The following TMEM41B variants were observed in gnomAD, a reference collection of about 807,000 sequenced individuals.
The protein encoded by TMEM41B is transmembrane protein 41B, also known as protein stasimon.
Under a neutral mutation model 31.9 loss-of-function variants are expected in TMEM41B, and 18 were observed. The ratio of observed to expected loss-of-function variants is 0.56; its 90% CI spans 0.39 to 0.84. The LOEUF (loss-of-function observed/expected upper bound fraction) is 0.84, where lower values mean the gene tolerates loss of function less well. TMEM41B is among the 40% of genes least tolerant of loss of function. The pLI, the probability that TMEM41B is intolerant of heterozygous loss-of-function variation, is 0.00. For synonymous variants in TMEM41B, 144 were observed against 124.3 expected (o/e 1.16, Z -1.05); for missense variants, 322 against 348.0 (o/e 0.93, Z 0.59).
chr11:9,289,440 T>G (rs1852906325), intron 3 of TMEM41B, among the ~76,000 whole-genome samples: 1 of 152,090 alleles, frequency 6.6e-6, no homozygotes, highest in Non-Finnish European at 1.5e-5. Flanking sequence ...CTATCCTCAC[T>G]CATTAACTAT....
intron 1 of TMEM41B, among the ~76,000 whole-genome samples, chr11:9,307,258 G>GA (rs796125555): frequency 2.6e-5 from 4 of 151,232 alleles, no homozygotes; most frequent in Admixed American, 1.3e-4. Flanking sequence ...ACGAACGAAG[G>GA]AAAAAAAATC....
At chr11:9,306,167 C>A (rs549462410) in intron 1 of TMEM41B, among the ~76,000 whole-genome samples, 3 of 151,288 alleles carry the variant, frequency 2.0e-5, no homozygotes, top group Non-Finnish European at 3.0e-5. Context: ...TTAGTAGAGA[C>A]GGGGTTTCAC....
intron 1 of TMEM41B, among the ~76,000 whole-genome samples, chr11:9,304,270 C>G (rs763579104): frequency 2.6e-4 from 39 of 152,040 alleles, no homozygotes; most frequent in Non-Finnish European, 4.6e-4. Flanking sequence ...TAACAAATAC[C>G]TAACTGTCAT....
At position 9,311,529 on chromosome 11, in the gene TMEM41B, A is replaced by G. The variant is rs796288487; in HGVS notation, c.121+2792T>C. ...AGGATGAGGGGGCCAACCTGGGGGG[A>G]AAGCTGAATTGCCTTGCGGAGCTCC... On this transcript the variant is annotated intron_variant, in intron 1 of 6. Coordinates refer to ENST00000528080, the MANE Select transcript of TMEM41B (RefSeq NM_015012.4). 9.3e-5 allele frequency: 124 copies of G among 1,340,440 alleles called. No homozygotes were observed. The African/African-American group carries it at 1.6e-3, about 18-fold the overall frequency. 83.0% of individuals were successfully genotyped at this position (1,340,440 alleles called of 1,614,324 possible).
intron 1 of TMEM41B, among the ~76,000 whole-genome samples, chr11:9,301,949 A>C (rs1853271392): frequency 6.6e-6 from 1 of 151,308 alleles, no homozygotes; most frequent in African/African-American, 2.4e-5. Context: ...CCCAATGCCT[A>C]GCTCTATTTC....
At chr11:9,301,539 T>C (rs1445719133) in intron 1 of TMEM41B, among the ~76,000 whole-genome samples, 1 of 152,162 alleles carries the variant, frequency 6.6e-6, no homozygotes, top group African/African-American at 2.4e-5. Flanking sequence ...CAAATGTGTA[T>C]TAGACAGCTG....
intron 1 of TMEM41B, among the ~76,000 whole-genome samples, chr11:9,307,312 AAGG>A (rs1853421912): frequency 6.6e-6 from 1 of 152,214 alleles, no homozygotes; most frequent in Non-Finnish European, 1.5e-5. Context: ...CAAGTCTCTT[AAGG>A]TCACAAGAAT....
rs56313114 is a variant in TMEM41B at position 9,282,940 on chromosome 11, G to GAAAAAAAAAAAA, written c.*472_*483dup. 2.2e-5 allele frequency: 2 copies of GAAAAAAAAAAAA among 92,604 alleles called. No homozygotes were observed. The highest frequency in any genetic ancestry group is 3.9e-5 in the African/African-American group (1 of 25,766). The allele number at this position is 92,604 out of a possible 1,614,324, so 5.7% of individuals were successfully genotyped here. The stretch of plus-strand genomic sequence containing the variant: ...CAGAGCTAGACTCCGTCTCAAAACA[G>GAAAAAAAAAAAA]AAAAAAAAAAAAAAAAAAAAAGAGG... On this transcript the variant is annotated 3_prime_UTR_variant, in exon 7 of 7. Transcript: ENST00000528080.
At chr11:9,299,325 T>TACACACACACACACACACACACACAC (rs139794462) in intron 2 of TMEM41B, among the ~76,000 whole-genome samples, 4,265 of 122,946 alleles carry the variant, frequency 0.035, 150 homozygotes, top group South Asian at 0.092. Flanking sequence ...TATACATACA[T>TACACACACACACACACACACACACAC]ACACACACAC....
chr11:9,311,788 C>G, intron 1 of TMEM41B: 1 of 570,966 alleles, frequency 1.8e-6, no homozygotes, highest in Admixed American at 3.2e-5. Context: ...CTCTCATCTT[C>G]ATCATGCAAA....
chr11:9,302,025 G>C (rs920380984), intron 1 of TMEM41B, among the ~76,000 whole-genome samples: 14 of 59,424 alleles, frequency 2.4e-4, no homozygotes, highest in African/African-American at 7.1e-4. Context: ...TTTTTTTTTT[G>C]AGACGGAGTC....
intron 1 of TMEM41B, among the ~76,000 whole-genome samples, chr11:9,310,101 T>C (rs879874871): frequency 5.3e-5 from 8 of 150,982 alleles, no homozygotes; most frequent in East Asian, 2.0e-4. Flanking sequence ...AGTGGCGCTA[T>C]CTTGGCTCAC....
At chr11:9,310,910 T>C (rs1346022993) in intron 1 of TMEM41B, among the ~76,000 whole-genome samples, 2 of 152,176 alleles carry the variant, frequency 1.3e-5, no homozygotes, top group Non-Finnish European at 2.9e-5. Flanking sequence ...ACAAAAAAGA[T>C]AGAGGTTTTT....
intron 4 of TMEM41B, chr11:9,288,212 C>T (rs10770006): frequency 0.44 from 156,633 of 358,946 alleles, 35,057 homozygotes; most frequent in East Asian, 0.54. Flanking sequence ...GTTACAAAAT[C>T]CAATAGGAAA....
At chr11:9,284,486 G>A (rs1422105441) in intron 6 of TMEM41B, among the ~76,000 whole-genome samples, 4 of 151,838 alleles carry the variant, frequency 2.6e-5, no homozygotes, top group African/African-American at 7.3e-5. Flanking sequence ...AAACAGGCCC[G>A]GCACAGTGGC....
intron 1 of TMEM41B, among the ~76,000 whole-genome samples, chr11:9,307,448 CT>C (rs34810386): frequency 8.4e-4 from 124 of 146,976 alleles, no homozygotes; most frequent in African/African-American, 9.3e-4. Context: ...AAAATAAAAT[CT>C]TTTTTTTTTT....
chr11:9,309,161 G>A (rs1033454999), intron 1 of TMEM41B, among the ~76,000 whole-genome samples: 25 of 151,984 alleles, frequency 1.6e-4, no homozygotes, highest in African/African-American at 2.4e-5. Context: ...GCGGAGAATC[G>A]CTTGAATCTG....
chr11:9,284,259 CCT>C lies in TMEM41B; in HGVS notation c.707-668_707-667del, dbSNP rs547612940. ...TCTCGAGGCTCAGGTGATTGTCCCA[CCT>C]CAGCTTTCTGAGCAGCTGGGACTAC... On this transcript the variant is annotated intron_variant, in intron 6 of 6. Transcript: ENST00000528080. 3.8e-3 allele frequency among the ~76,000 whole-genome samples: 578 copies of C among 151,978 alleles called. 2 individuals are homozygous for C. The highest frequency in any genetic ancestry group is 0.013 in the African/African-American group (541 of 41,456).
At chr11:9,308,300 G>A (rs59246353) in intron 1 of TMEM41B, among the ~76,000 whole-genome samples, 23,752 of 152,052 alleles carry the variant, frequency 0.16, 2,766 homozygotes, top group African/African-American at 0.32. Context: ...CTGAGATCAC[G>A]CCACTGCACT....
Sources: allele counts gnomAD v4.1 joint callset (sites outside exome capture counted in the v4.1 genomes callset), GRCh38; gene constraint gnomAD v4.1.1; transcripts MANE v1.5; gene names NCBI Gene and HGNC (gene_info 2026-07-23, HGNC 2026-07-21).